The following MYB variants were observed in gnomAD, a reference collection of about 807,000 sequenced individuals.
MYB encodes MYB proto-oncogene, transcription factor, also known as transcriptional activator Myb.
A neutral mutation model predicts 92.9 loss-of-function variants in MYB; 28 were observed. The ratio of observed to expected loss-of-function variants is 0.30; its 90% confidence interval spans 0.22 to 0.41. MYB has a LOEUF of 0.41. Among genes scored for constraint, MYB ranks in the 10% least tolerant of loss-of-function variants. The pLI, the probability that MYB is intolerant of heterozygous loss-of-function variation, is 1.00. For missense variants in MYB, 679 were observed against 929.3 expected, an observed-to-expected ratio of 0.73 and a Z score of 3.50; for synonymous variants, 295 against 329.1, an observed-to-expected ratio of 0.90 and a Z score of 1.12.
At chr6:135,186,891 C>T (rs919941849) in intron 2 of MYB, among the ~76,000 whole-genome samples, 1 of 152,230 alleles carries the variant, frequency 6.6e-6, no homozygotes, top group East Asian at 1.9e-4. Context: ...GGTATTGGCT[C>T]TTCTTCAGTT....
Position 135,192,526 on chromosome 6 carries a change from T to C in MYB, c.730T>C (p.Tyr244His). 6.2e-7 allele frequency: 1 copy of C among 1,614,256 alleles called. No homozygotes were observed. The highest frequency in any genetic ancestry group is 8.5e-7 in the Non-Finnish European group (1 of 1,180,034). Reference protein sequence around the residue: ...ATGQPTVNNDYSYYHISEAQN... With the variant: ...ATGQPTVNNDHSYYHISEAQN... The stretch of plus-strand genomic sequence containing the variant: ...TGGCCAGCCCACTGTTAACAACGAC[T>C]ATTCCTATTACCACATTTCTGAAGC... Residue 244 changes from tyrosine to histidine, a missense_variant, in exon 6 of 16, where the codon TAT (tyrosine) becomes CAT (histidine). Tyr to His is a moderately conservative substitution (Grantham distance 83). This residue lies in a region of MYB where 32 missense variants were observed against 29.9 expected (regional missense o/e 1.07). Transcript: ENST00000341911.
At chr6:135,200,508 C>T (rs1468337116) in intron 13 of MYB, 93 bp downstream of exon 13, 4 of 1,548,854 alleles carry the variant, frequency 2.6e-6, no homozygotes, top group African/African-American at 2.7e-5. Context: ...TGGCACTGTG[C>T]AACACCACGA....
intron 15 of MYB, among the ~76,000 whole-genome samples, chr6:135,204,780 G>C (rs1778635139): frequency 6.6e-6 from 1 of 152,298 alleles, no homozygotes. Flanking sequence ...GCGTCAGTGA[G>C]GCTGGAGTTG....
rs114959718 is a variant in MYB, at chr6:135,208,018, C to T, written c.2169+4694C>T. Among the ~76,000 whole-genome samples, 1,223 of 151,024 alleles carry T rather than the reference C, an allele frequency of 8.1e-3. 16 individuals are homozygous for T. The highest frequency in any genetic ancestry group is 0.028 in the African/African-American group (1,156 of 41,150). On this transcript the variant is annotated intron_variant, in intron 15 of 15. Transcript: ENST00000341911. ...CTGGGATTATAGATGTGAGCCACCA[C>T]GCCTGGGCTACCTCATCTCTTTTTT...
At chr6:135,200,515 A>G in intron 13 of MYB, 100 bp downstream of exon 13, 1 of 1,539,024 alleles carries the variant, frequency 6.5e-7, no homozygotes. Context: ...GTGCAACACC[A>G]CGACTTTTCG....
chr6:135,214,883 C>T (rs6936293), intron 15 of MYB, among the ~76,000 whole-genome samples: 25,082 of 152,136 alleles, frequency 0.16, 2,609 homozygotes, highest in African/African-American at 0.29. Context: ...ATTTCAAATA[C>T]TGTAACTAAC....
rs1778386907 is a variant in MYB, at chr6:135,203,268, A to G, written c.2113A>G (p.Asn705Asp). Residue 705 changes from asparagine to aspartate, a missense_variant, in exon 15 of 16, where the codon AAT becomes GAT. This residue lies in a region of MYB where 402 missense variants were observed against 434.2 expected (regional missense o/e 0.93). Transcript: ENST00000341911. ...GGCACCAGCATCAGAAGATGAAGAC[A>G]ATGTTCTCAAAGCATTTACAGTACC... is the stretch of plus-strand genomic sequence containing the variant. ...LMAPASEDED[N>D]VLKAFTVPKN... The G allele has an allele frequency of 3.1e-6, 5 of 1,612,102 alleles. No homozygotes were observed. Among genetic ancestry groups the G allele is most frequent in the Non-Finnish European group, 3.4e-6 (4 of 1,178,258 alleles).
rs762224204 is a variant in MYB, at chr6:135,189,802, T to A, written c.225T>A (p.Asp75Glu). The change falls in exon 4 of 16, where the codon GAT (aspartate) becomes GAA (glutamate). Residue 75 changes from aspartate (D) to glutamate (E), a missense_variant. Asp to Glu is a conservative substitution (Grantham distance 45). Around this residue, in one of 8 missense-constraint regions of MYB, gnomAD observed 88 missense variants for 145.6 expected, o/e 0.60. Coordinates refer to ENST00000341911, the MANE Select transcript of MYB (RefSeq NM_001130173.2). ...VIANYLPNRT[D>E]VQCQHRWQKV... is the part of the protein sequence containing the mutation. ...CTTTATTTGTCTAGAATCGAACAGA[T>A]GTGCAGTGCCAGCACCGATGGCAGA... is the stretch of plus-strand genomic sequence containing the variant. The A allele has an allele frequency of 3.1e-6, 5 of 1,613,882 alleles. No individual in the cohort carries two copies. Among genetic ancestry groups the A allele is most frequent in the Non-Finnish European group, 4.2e-6 (5 of 1,179,854 alleles).
At chr6:135,186,328 T>TC (rs1775910389) in intron 2 of MYB, among the ~76,000 whole-genome samples, 1 of 152,222 alleles carries the variant, frequency 6.6e-6, no homozygotes, top group Admixed American at 6.5e-5. Flanking sequence ...AGGCATCACC[T>TC]CTTCTGTGAA....
chr6:135,200,092 A>C lies in MYB; in HGVS notation c.1717A>C (p.Thr573Pro). 1 of 1,613,462 alleles carries C rather than the reference A, an allele frequency of 6.2e-7. No homozygotes were observed. Among genetic ancestry groups the C allele is most frequent in the South Asian group, 1.1e-5 (1 of 91,070 alleles). ...CTTGTTTTCTTTTTAAAGTTTTAGA[A>C]CCCCAGCTATCAAAAGGTCAATCTT... Reference protein sequence around the residue: ...KTQKENTVFRTPAIKRSILES... With the variant: ...KTQKENTVFRPPAIKRSILES... The change falls in exon 12 of 16, where the codon ACC becomes CCC. Residue 573 changes from threonine (T) to proline (P), a missense_variant. Thr to Pro is a conservative substitution (Grantham distance 38). Coordinates refer to ENST00000341911, the MANE Select transcript of MYB (RefSeq NM_001130173.2).
intron 10 of MYB, among the ~76,000 whole-genome samples, chr6:135,197,852 G>T (rs1407899337): frequency 6.6e-6 from 1 of 152,188 alleles, no homozygotes; most frequent in Admixed American, 6.5e-5. Flanking sequence ...TTAAGGAAAA[G>T]AACATATTTT....
intron 8 of MYB, among the ~76,000 whole-genome samples, 163 bp from the exon 9 acceptor site, chr6:135,195,585 A>G (rs1188092967): frequency 6.6e-6 from 1 of 152,254 alleles, no homozygotes; most frequent in Non-Finnish European, 1.5e-5. Flanking sequence ...CATTGATAAA[A>G]GGAAACATCT....
rs917146702 is a variant in MYB at position 135,218,994 on chromosome 6, A to T, written c.*1014A>T. 2 of 225,124 alleles carry T rather than the reference A, an allele frequency of 8.9e-6. No individual in the cohort carries two copies. Among genetic ancestry groups the T allele is most frequent in the Non-Finnish European group, 1.8e-5 (2 of 112,674 alleles). 13.9% of individuals were successfully genotyped at this position (225,124 alleles called of 1,614,324 possible). ...CGCATCCCCTGTGGTTTCTAAGTGT[A>T]TGGTCTCAGAACTGTTGCATGGATC... On this transcript the variant is annotated 3_prime_UTR_variant, in exon 16 of 16. Transcript: ENST00000341911.
chr6:135,209,823 G>A (rs1226857415), intron 15 of MYB, among the ~76,000 whole-genome samples: 2 of 152,088 alleles, frequency 1.3e-5, no homozygotes, highest in Non-Finnish European at 2.9e-5. Flanking sequence ...TCTTTCATGT[G>A]GCTCAGAATA....
chr6:135,185,543 A>G (rs148598353), intron 1 of MYB, among the ~76,000 whole-genome samples: 63 of 152,362 alleles, frequency 4.1e-4, no homozygotes, highest in African/African-American at 1.5e-3. Flanking sequence ...TATAAAGGAC[A>G]TGGGTTCTTG....
intron 15 of MYB, among the ~76,000 whole-genome samples, chr6:135,205,015 C>T (rs1239482363): frequency 2.6e-5 from 4 of 151,844 alleles, no homozygotes; most frequent in South Asian, 2.1e-4. Context: ...TGCAGTGAGC[C>T]GAGATCATGA....
chr6:135,183,886 G>A (rs1201646422), intron 1 of MYB, among the ~76,000 whole-genome samples: 1 of 152,206 alleles, frequency 6.6e-6, no homozygotes, highest in Non-Finnish European at 1.5e-5. Context: ...ATCCAAGCAA[G>A]CCCTTATTGT....
chr6:135,181,599 C>A lies in MYB; in HGVS notation c.23+63C>A. ...GCGCGGGGGCGCGCGGGGCGCCAGGCTCCCGGGAGCAGGTGGGAATTCGTT... is the reference window on the plus strand; with the variant it reads ...GCGCGGGGGCGCGCGGGGCGCCAGGATCCCGGGAGCAGGTGGGAATTCGTT... On this transcript the variant is annotated intron_variant, in intron 1 of 15. Coordinates refer to ENST00000341911, the MANE Select transcript of MYB (RefSeq NM_001130173.2). The surrounding 1 kb of genome is among the most constrained non-coding windows in gnomAD (Gnocchi z 5.3). 1 of 1,068,608 alleles carries A rather than the reference C, an allele frequency of 9.4e-7. No individual in the cohort carries two copies. The highest frequency in any genetic ancestry group is 1.2e-6 in the Non-Finnish European group (1 of 859,092). The allele number at this position is 1,068,608 out of a possible 1,614,324, so 66.2% of individuals were successfully genotyped here.
rs1288563820 is a variant in MYB at position 135,182,889 on chromosome 6, G to T, written c.23+1353G>T. On this transcript the variant is annotated intron_variant, in intron 1 of 15. Coordinates refer to ENST00000341911, the MANE Select transcript of MYB (RefSeq NM_001130173.2). The surrounding 1 kb of genome is among the most constrained non-coding windows in gnomAD (Gnocchi z 5.6). The stretch of plus-strand genomic sequence containing the variant: ...TCTGGGGACGAGAGGGCGACTTGGG[G>T]GAGCTCCGGGCTCCCTATGCCTACT... Among the ~76,000 whole-genome samples, 1 of 152,160 alleles carries T rather than the reference G, an allele frequency of 6.6e-6. No homozygotes were observed. Among genetic ancestry groups the T allele is most frequent in the Non-Finnish European group, 1.5e-5 (1 of 68,014 alleles).
Sources: gnomAD v4.1 joint callset for allele counts (sites outside exome capture counted in the v4.1 genomes callset) on GRCh38, gnomAD v4.1.1 for gene constraint, gnomAD v4.1.1 regional missense constraint, Gnocchi (gnomAD v3.1) non-coding constraint, MANE v1.5 for transcripts, NCBI Gene and HGNC (gene_info 2026-07-23, HGNC 2026-07-21) for gene names.